Variants in PRKAG2 observed in about 807,000 individuals in gnomAD.
PRKAG2 encodes the protein protein kinase AMP-activated non-catalytic subunit gamma 2.
Under a neutral mutation model 69.6 loss-of-function variants are expected in PRKAG2, and 26 were observed. That is an observed-to-expected ratio of 0.37 (90% CI 0.27 to 0.52). The LOEUF is 0.52. Ranked by LOEUF, PRKAG2 falls within the 20% of genes least tolerant of loss-of-function variation. The pLI is 0.90. For synonymous variants in PRKAG2, 293 were observed against 285.0 expected, an observed-to-expected ratio of 1.03 and a Z score of -0.28; for missense variants, 557 against 740.0, an observed-to-expected ratio of 0.75 and a Z score of 2.87.
rs769549411 is a variant in PRKAG2, at chr7:151,721,374, A to ACAGGGC, written c.467-45743_467-45738dup. The stretch of plus-strand genomic sequence containing the variant: ...TAATGCCAACAGGAAAGGGCTGAAG[A>ACAGGGC]CAGGGCCAGGGCCAGGGCCGGGGCC... On this transcript the variant is annotated intron_variant, in intron 3 of 15. Coordinates refer to ENST00000287878, the MANE Select transcript of PRKAG2 (RefSeq NM_016203.4). Among the ~76,000 whole-genome samples, 104 of 132,240 alleles carry ACAGGGC rather than the reference A, an allele frequency of 7.9e-4. No individual in the cohort carries two copies. In the East Asian group the frequency reaches 0.018, roughly 23 times the overall value. The allele number at this position is 132,240 out of a possible 152,430, so 86.8% of individuals were successfully genotyped here.
intron 3 of PRKAG2, among the ~76,000 whole-genome samples, chr7:151,752,358 T>C (rs1438117879): frequency 1.3e-5 from 2 of 151,808 alleles, no homozygotes. Flanking sequence ...TAATAAGAAC[T>C]TACGAACACA....
At chr7:151,812,100 G>C (rs1356277503) in intron 1 of PRKAG2, among the ~76,000 whole-genome samples, 1 of 152,108 alleles carries the variant, frequency 6.6e-6, no homozygotes, top group East Asian at 1.9e-4. Flanking sequence ...ATGCAATACA[G>C]ACAGCTAACA....
At chr7:151,679,205 AC>A (rs1311984089) in intron 3 of PRKAG2, among the ~76,000 whole-genome samples, 1 of 151,896 alleles carries the variant, frequency 6.6e-6, no homozygotes. Context: ...AGAAATAGAG[AC>A]AGTAGCCAGG....
intron 1 of PRKAG2, among the ~76,000 whole-genome samples, chr7:151,801,096 G>A (rs1184327775): frequency 5.3e-5 from 8 of 152,148 alleles, no homozygotes; most frequent in Non-Finnish European, 1.0e-4. Context: ...TGCCCATCAC[G>A]CCAGGCCTGG....
chr7:151,558,896 C>A (rs1804344642), intron 15 of PRKAG2: 1 of 985,286 alleles, frequency 1.0e-6, no homozygotes, highest in Non-Finnish European at 1.2e-6. Flanking sequence ...TTTGAGATAT[C>A]AAGAAACAGA....
Position 151,567,712 on chromosome 7 carries a change from TTAAA to T in PRKAG2, c.1233+1000_1233+1003del, listed in dbSNP as rs1806581423. On this transcript the variant is annotated intron_variant, in intron 11 of 15. Coordinates refer to ENST00000287878, the MANE Select transcript of PRKAG2 (RefSeq NM_016203.4). This position sits in a 1 kb window ranked among gnomAD's most constrained non-coding sequence, Gnocchi z 4.2. ...TACCTTCTTTCTTAGCACAGCATGGTTAAATAAATGTTATTTATATATGTAAATG... is the reference window on the plus strand; with the variant it reads ...TACCTTCTTTCTTAGCACAGCATGGTTAAATGTTATTTATATATGTAAATG... Among the ~76,000 whole-genome samples, 1 of 152,226 alleles carries T rather than the reference TTAAA, an allele frequency of 6.6e-6. No individual in the cohort carries two copies. Among genetic ancestry groups the T allele is most frequent in the African/African-American group, 2.4e-5 (1 of 41,470 alleles).
intron 4 of PRKAG2, among the ~76,000 whole-genome samples, chr7:151,653,860 A>C (rs1439324336): frequency 6.6e-6 from 1 of 152,198 alleles, no homozygotes; most frequent in East Asian, 1.9e-4. Flanking sequence ...CAAAAATCTT[A>C]CAGACTTGGT....
Position 151,614,835 on chromosome 7 carries a change from G to A in PRKAG2, c.754+17234C>T, listed in dbSNP as rs943676208. Among the ~76,000 whole-genome samples, 6 of 152,216 alleles carry A rather than the reference G, an allele frequency of 3.9e-5. No homozygotes were observed. Among genetic ancestry groups the A allele is most frequent in the South Asian group, 2.1e-4 (1 of 4,830 alleles). On this transcript the variant is annotated intron_variant, in intron 5 of 15. Coordinates refer to ENST00000287878, the MANE Select transcript of PRKAG2 (RefSeq NM_016203.4). The surrounding 1 kb of genome is among the most constrained non-coding windows in gnomAD (Gnocchi z 4.4). ...TGCCGACCACTGATCACTTGGCACT[G>A]GGCTCTCAGCCCCAGTCTCCTCACC...
chr7:151,777,299 C>T lies in PRKAG2; in HGVS notation c.466+3853G>A, dbSNP rs925387051. Among the ~76,000 whole-genome samples, 20 of 152,318 alleles carry T rather than the reference C, an allele frequency of 1.3e-4. No homozygotes were observed. Among genetic ancestry groups the T allele is most frequent in the African/African-American group, 2.4e-4 (10 of 41,562 alleles). On this transcript the variant is annotated intron_variant, in intron 3 of 15. Coordinates refer to ENST00000287878, the MANE Select transcript of PRKAG2 (RefSeq NM_016203.4). The surrounding 1 kb of genome is among the most constrained non-coding windows in gnomAD (Gnocchi z 4.3). ...TGTGAGCACAGTGTCTGCTGGGACC[C>T]GCTGAGATCCAGAGGGGCTGGGAGT...
At position 151,723,174 on chromosome 7, in the gene PRKAG2, C is replaced by A. The variant is rs1797389230; in HGVS notation, c.467-47537G>T. Among the ~76,000 whole-genome samples the A allele has an allele frequency of 2.0e-5, 3 of 152,302 alleles. No individual in the cohort carries two copies. The South Asian group carries it at 6.3e-4, about 32-fold the overall frequency. The stretch of plus-strand genomic sequence containing the variant: ...AATCAGTGTTCTGTCACCTCCAATA[C>A]CCTTTCCCTAATGCCCAGTTGCCCT... On this transcript the variant is annotated intron_variant, in intron 3 of 15. Coordinates refer to ENST00000287878, the MANE Select transcript of PRKAG2 (RefSeq NM_016203.4).
chr7:151,768,363 C>T (rs943778088), intron 3 of PRKAG2, among the ~76,000 whole-genome samples: 30 of 152,186 alleles, frequency 2.0e-4, no homozygotes, highest in African/African-American at 6.0e-4. Context: ...GCAATGACCC[C>T]ACCAAAACCC....
intron 3 of PRKAG2, among the ~76,000 whole-genome samples, chr7:151,741,540 T>A (rs2073891667): frequency 6.6e-6 from 1 of 152,032 alleles, no homozygotes; most frequent in Non-Finnish European, 1.5e-5. Context: ...CTGGGCATGG[T>A]GGTGCATGCC....
At chr7:151,737,786 G>C (rs2073555235) in intron 3 of PRKAG2, among the ~76,000 whole-genome samples, 1 of 152,174 alleles carries the variant, frequency 6.6e-6, no homozygotes, top group African/African-American at 2.4e-5. Flanking sequence ...GATAAAGATG[G>C]CTCCACACTC....
At chr7:151,790,039 C>T (rs1173093103) in intron 1 of PRKAG2, among the ~76,000 whole-genome samples, 3 of 152,206 alleles carry the variant, frequency 2.0e-5, no homozygotes, top group Non-Finnish European at 2.9e-5. Context: ...ACTCCTCAGA[C>T]ACTTCTGTTC....
chr7:151,627,951 G>A (rs1004539975), intron 5 of PRKAG2, among the ~76,000 whole-genome samples: 2 of 152,140 alleles, frequency 1.3e-5, no homozygotes, highest in African/African-American at 2.4e-5. Context: ...ATGGTGAGCC[G>A]CCACGCCCGG....
chr7:151,738,278 T>C (rs2727545), intron 3 of PRKAG2, among the ~76,000 whole-genome samples: 11,474 of 34,070 alleles, frequency 0.34, 2,358 homozygotes, highest in East Asian at 0.57. Context: ...AGATCTGCCA[T>C]TCCCACGGGG....
At chr7:151,711,667 T>C (rs1013090654) in intron 3 of PRKAG2, among the ~76,000 whole-genome samples, 2 of 152,244 alleles carry the variant, frequency 1.3e-5, no homozygotes, top group African/African-American at 4.8e-5. Flanking sequence ...ATGGTGAAAC[T>C]GAGGCACAGG....
In PRKAG2 at chr7:151,719,351, G is replaced by T. The variant is rs1796673580; in HGVS notation, c.467-43714C>A. On this transcript the variant is annotated intron_variant, in intron 3 of 15. Transcript: ENST00000287878. The surrounding 1 kb of genome is among the most constrained non-coding windows in gnomAD (Gnocchi z 5.2). ...GTAGTCACAGAGACCCACCGCTCAG[G>T]CCTCCTGCTGGGGGAGCTGGGCTAT... Among the ~76,000 whole-genome samples, 1 of 152,040 alleles carries T rather than the reference G, an allele frequency of 6.6e-6. No individual in the cohort carries two copies. Among genetic ancestry groups the T allele is most frequent in the Non-Finnish European group, 1.5e-5 (1 of 68,004 alleles).
chr7:151,832,332 AC>A, intron 1 of PRKAG2, among the ~76,000 whole-genome samples: 1 of 152,034 alleles, frequency 6.6e-6, no homozygotes, highest in Middle Eastern at 3.4e-3. Flanking sequence ...GAGTTTGTGG[AC>A]ACCAGTTCAC....
Sources: gnomAD v4.1 joint callset for allele counts (sites outside exome capture counted in the v4.1 genomes callset) on GRCh38, gnomAD v4.1.1 for gene constraint, Gnocchi (gnomAD v3.1) non-coding constraint, MANE v1.5 for transcripts, NCBI Gene and HGNC (gene_info 2026-07-23, HGNC 2026-07-21) for gene names.